Variants in AGMO observed in about 807,000 individuals in gnomAD.
The protein encoded by AGMO is glyceryl-ether monooxygenase.
AGMO carries 75 observed loss-of-function variants against 60.2 expected under a neutral mutation model. The ratio of observed to expected loss-of-function variants is 1.25; its 90% CI spans 1.03 to 1.51. AGMO has a LOEUF of 1.51. Ranked by LOEUF, AGMO falls within the 40% of genes most tolerant of loss-of-function variation. AGMO has a pLI of 0.00. For missense variants in AGMO, 763 were observed against 525.5 expected (o/e 1.45, Z -4.42); for synonymous variants, 261 against 177.1 (o/e 1.47, Z -3.76).
chr7:15,232,577 T>C (rs1024988314), intron 12 of AGMO, among the ~76,000 whole-genome samples: 2 of 152,138 alleles, frequency 1.3e-5, no homozygotes, highest in African/African-American at 4.8e-5. Flanking sequence ...AAGTACATTA[T>C]GAAGAAAAGA....
rs541432096 is a variant in AGMO, at chr7:15,449,641, G to A, written c.410-18533C>T. ...GGCTATACCATCTAGGTTTGTGTAA[G>A]TACACTCTATGAGGTTTGCATAGCA... On this transcript the variant is annotated intron_variant, in intron 3 of 12. Coordinates refer to ENST00000342526, the MANE Select transcript of AGMO (RefSeq NM_001004320.2). Among the ~76,000 whole-genome samples the A allele has an allele frequency of 8.5e-5, 13 of 152,268 alleles. No individual in the cohort carries two copies. In the East Asian group the frequency reaches 2.3e-3, roughly 27 times the overall value.
chr7:15,158,840 C>T, the AGMO span, among the ~76,000 whole-genome samples: 1 of 151,958 alleles, frequency 6.6e-6, no homozygotes, highest in African/African-American at 2.4e-5. Flanking sequence ...TCAGTGTGTA[C>T]TCCTCAAAAA....
intron 12 of AGMO, among the ~76,000 whole-genome samples, chr7:15,221,181 T>C (rs1236721521): frequency 6.6e-6 from 1 of 152,128 alleles, no homozygotes; most frequent in Non-Finnish European, 1.5e-5. Flanking sequence ...CCCTTTTACC[T>C]TCTGGATATT....
At chr7:15,297,167 C>A (rs959346698) in intron 12 of AGMO, among the ~76,000 whole-genome samples, 2 of 152,120 alleles carry the variant, frequency 1.3e-5, no homozygotes, top group Non-Finnish European at 2.9e-5. Flanking sequence ...TCACCAGTAA[C>A]CCTTTCTTAG....
chr7:15,500,376 T>C (rs547011594), intron 3 of AGMO, among the ~76,000 whole-genome samples: 49 of 151,984 alleles, frequency 3.2e-4, no homozygotes, highest in Admixed American at 2.8e-3. Context: ...ATGGTATTAA[T>C]GTCATTAGGA....
At chr7:15,432,320 G>A (rs1157369434) in intron 3 of AGMO, among the ~76,000 whole-genome samples, 1 of 127,886 alleles carries the variant, frequency 7.8e-6, no homozygotes, top group Non-Finnish European at 1.6e-5. Context: ...ATATGTGTGT[G>A]TATATATGTA....
rs1784108297 is a variant in AGMO at position 15,390,840 on chromosome 7, CA to C, written c.741del (p.Phe247LeufsTer15). Reference sequence around the variant, plus strand: ...TTTGATTTTAATACATTTTACTTACCAAAAATTTTATCCCAAATAATAAGAA... The same window carrying C: ...TTTGATTTTAATACATTTTACTTACCAAAATTTTATCCCAAATAATAAGAA... ...AGVLIIWDKIFGTFEAENEKV... is the reference protein window; with the variant it reads ...AGVLIIWDKIXGTFEAENEKV... On this transcript the variant is annotated frameshift_variant and splice_region_variant, in exon 7 of 13. Transcript: ENST00000342526. LOFTEE classifies it high-confidence loss of function. The C allele has an allele frequency of 6.2e-7, 1 of 1,601,930 alleles. No homozygotes were observed. Among genetic ancestry groups the C allele is most frequent in the Non-Finnish European group, 8.5e-7 (1 of 1,171,820 alleles).
At chr7:15,545,671 A>C (rs1784760119) in intron 2 of AGMO, among the ~76,000 whole-genome samples, 1 of 152,106 alleles carries the variant, frequency 6.6e-6, no homozygotes, top group African/African-American at 2.4e-5. Context: ...AGACACTAGA[A>C]TATATCTTGC....
chr7:15,311,333 A>T (rs984365280), intron 12 of AGMO, among the ~76,000 whole-genome samples: 19 of 152,254 alleles, frequency 1.2e-4, no homozygotes, highest in African/African-American at 4.3e-4. Flanking sequence ...ATTTTCACTT[A>T]GAAAAATAAG....
At chr7:15,197,467 T>C (rs1361997080), downstream of AGMO, among the ~76,000 whole-genome samples, 2 of 152,234 alleles carry the variant, frequency 1.3e-5, no homozygotes, top group Non-Finnish European at 2.9e-5. Flanking sequence ...GAACATCTGA[T>C]TCATGATTAG....
At chr7:15,373,266 A>C (rs897114364) in intron 10 of AGMO, among the ~76,000 whole-genome samples, 2 of 151,324 alleles carry the variant, frequency 1.3e-5, no homozygotes, top group Non-Finnish European at 2.9e-5. Context: ...CAACAGAGTG[A>C]TATTCTGTCT....
intron 12 of AGMO, among the ~76,000 whole-genome samples, chr7:15,218,138 A>T (rs1781802260): frequency 1.3e-5 from 2 of 152,144 alleles, no homozygotes; most frequent in Non-Finnish European, 2.9e-5. Context: ...AAAAATGAAA[A>T]TGAAGTTTCA....
downstream of AGMO, among the ~76,000 whole-genome samples, chr7:15,198,110 A>G (rs1180137971): frequency 5.9e-5 from 9 of 152,158 alleles, no homozygotes; most frequent in East Asian, 7.7e-4. Flanking sequence ...GGAAAAGTAA[A>G]TATCTTCATA....
the AGMO span, among the ~76,000 whole-genome samples, chr7:15,133,211 A>T: frequency 6.6e-6 from 1 of 152,132 alleles, no homozygotes; most frequent in Admixed American, 6.5e-5. Context: ...TATGCTAGGA[A>T]ATGATTGACA....
chr7:15,541,575 G>A (rs1453531254), intron 3 of AGMO, among the ~76,000 whole-genome samples: 1 of 152,100 alleles, frequency 6.6e-6, no homozygotes, highest in Non-Finnish European at 1.5e-5. Context: ...ACCATAATTA[G>A]CAATTTCTTT....
chr7:15,489,214 A>G (rs1783003814), intron 3 of AGMO, among the ~76,000 whole-genome samples: 1 of 152,180 alleles, frequency 6.6e-6, no homozygotes, highest in Non-Finnish European at 1.5e-5. Context: ...ACAAAATAAC[A>G]AAGTTATTAT....
At chr7:15,182,069 A>G in the AGMO span, among the ~76,000 whole-genome samples, 1 of 152,178 alleles carries the variant, frequency 6.6e-6, no homozygotes, top group Non-Finnish European at 1.5e-5. Context: ...TAAATCTTAA[A>G]AAATTATGCT....
intron 12 of AGMO, among the ~76,000 whole-genome samples, chr7:15,290,989 G>A (rs758424265): frequency 6.6e-6 from 1 of 151,852 alleles, no homozygotes; most frequent in Non-Finnish European, 1.5e-5. Flanking sequence ...ATTTAGCTCC[G>A]TTTTTTCGAA....
At chr7:15,518,407 C>G (rs1783882546) in intron 3 of AGMO, among the ~76,000 whole-genome samples, 1 of 152,184 alleles carries the variant, frequency 6.6e-6, no homozygotes, top group African/African-American at 2.4e-5. Context: ...CAACAGGCAC[C>G]TCATACAGGA....
Sources: gnomAD v4.1 joint callset for allele counts (sites outside exome capture counted in the v4.1 genomes callset) on GRCh38, gnomAD v4.1.1 for gene constraint, MANE v1.5 for transcripts, NCBI Gene and HGNC (gene_info 2026-07-23, HGNC 2026-07-21) for gene names.